The following FMR1 variants were observed in gnomAD, a reference collection of about 807,000 sequenced individuals.
FMR1 encodes the protein FMRP translational regulator 1.
FMR1 carries 13 observed loss-of-function variants against 50.6 expected under a neutral mutation model. The ratio of observed to expected loss-of-function variants is 0.26; its 90% CI spans 0.17 to 0.41. FMR1 has a LOEUF of 0.41. Ranked by LOEUF, FMR1 falls within the 10% of genes least tolerant of loss-of-function variation. FMR1 has a pLI of 1.00. For missense variants in FMR1, 316 were observed against 491.3 expected (o/e 0.64, Z 3.37); for synonymous variants, 138 against 164.1 (o/e 0.84, Z 1.22).
intron 14 of FMR1, chrX:147,944,447 C>G: frequency 1.3e-6 from 1 of 753,139 alleles, no homozygotes; most frequent in Non-Finnish European, 1.6e-6. Flanking sequence ...TATATACATT[C>G]CCCTCTGTCC....
chrX:147,929,605 AAAAG>A (rs2043519415), intron 5 of FMR1, among the ~76,000 whole-genome samples: 1 of 110,865 alleles, frequency 9.0e-6, no homozygotes, highest in South Asian at 3.8e-4. Context: ...AAAGGAAAAA[AAAAG>A]GCCTGCAACA....
chrX:147,940,359 C>T (rs1033149676), intron 12 of FMR1: 7 of 387,307 alleles, frequency 1.8e-5, no homozygotes, highest in Non-Finnish European at 2.7e-5. Flanking sequence ...TAATCTGATA[C>T]GTTTAAAAGG....
intron 16 of FMR1, 132 bp downstream of exon 16, chrX:147,945,748 A>C: frequency 1.9e-6 from 1 of 523,882 alleles, no homozygotes; most frequent in Non-Finnish European, 3.3e-6. Context: ...TTTACCTTCA[A>C]CATTACAATT....
At chrX:147,939,107 A>G (rs1557180189) in intron 12 of FMR1, among the ~76,000 whole-genome samples, 1 of 112,472 alleles carries the variant, frequency 8.9e-6, no homozygotes. Context: ...ATTCCATCAC[A>G]TGGTATTTTG....
At chrX:147,918,555 C>CTTTTTTTGTTTTTTTT (rs2042992915) in intron 1 of FMR1, among the ~76,000 whole-genome samples, 1 of 47,277 alleles carries the variant, frequency 2.1e-5, no homozygotes, top group Admixed American at 3.9e-4. Context: ...CCTGCAAAAG[C>CTTTTTTTGTTTTTTTT]TTTTTTTTTT....
intron 2 of FMR1, among the ~76,000 whole-genome samples, chrX:147,923,852 C>G (rs1252588343): frequency 2.7e-5 from 3 of 111,663 alleles, no homozygotes; most frequent in Non-Finnish European, 5.7e-5. Flanking sequence ...TTTGCCCTTC[C>G]TTGTGTGTTT....
At chrX:147,941,790 C>G (rs1290512948) in intron 13 of FMR1, among the ~76,000 whole-genome samples, 2 of 112,082 alleles carry the variant, frequency 1.8e-5, no homozygotes, top group Non-Finnish European at 3.8e-5. Flanking sequence ...ATCCCTTGTT[C>G]TTTTGACTAA....
At position 147,944,973 on chromosome X, in the gene FMR1, C is replaced by A. The variant is rs916410105; in HGVS notation, c.1576C>A (p.Leu526Met). 2.5e-6 allele frequency: 3 copies of A among 1,206,818 alleles called. No homozygotes were observed. The South Asian group carries it at 5.3e-5, about 21-fold the overall frequency. ...AACAGAGGAAGAGAGGGAGAGCTTCCTGCGCAGAGGAGACGGACGGCGGCG... is the reference window on the plus strand; with the variant it reads ...AACAGAGGAAGAGAGGGAGAGCTTCATGCGCAGAGGAGACGGACGGCGGCG... The part of the protein sequence containing the change: ...APTEEERESF[L>M]RRGDGRRRGG... Residue 526 changes from leucine to methionine, a missense_variant, in exon 15 of 17, where the codon CTG becomes ATG. Transcript: ENST00000370475.
chrX:147,944,825 TTTTTA>T, intron 14 of FMR1, 39 bp from the exon 15 acceptor site: 1 of 1,185,325 alleles, frequency 8.4e-7, no homozygotes, highest in Non-Finnish European at 1.1e-6. Flanking sequence ...CTTTTTTTTT[TTTTTA>T]AAGTCAGACA....
intron 14 of FMR1, chrX:147,944,134 C>T: frequency 1.3e-6 from 1 of 753,341 alleles, no homozygotes; most frequent in Non-Finnish European, 1.6e-6. Context: ...TTGAACCTAA[C>T]CCCTAACCCC....
At chrX:147,941,058 T>A (rs1557180779) in intron 13 of FMR1, among the ~76,000 whole-genome samples, 3 of 112,241 alleles carry the variant, frequency 2.7e-5, no homozygotes, top group Non-Finnish European at 5.6e-5. Context: ...ATCTAAGCAT[T>A]TCATGAAGTT....
Position 147,949,538 on chromosome X carries a change from C to G in FMR1, c.*694C>G, listed in dbSNP as rs1171338555. ...GAATGCATGCTTTCCATATTTTTTT[C>G]CTTACATAAACATCAGGTTAGGCAG... On this transcript the variant is annotated 3_prime_UTR_variant, in exon 17 of 17. Coordinates refer to ENST00000370475, the MANE Select transcript of FMR1 (RefSeq NM_002024.6). 9.2e-6 allele frequency: 3 copies of G among 327,399 alleles called. No homozygotes were observed. The highest frequency in any genetic ancestry group is 1.2e-5 in the Non-Finnish European group (2 of 169,579). 27.0% of individuals were successfully genotyped at this position (327,399 alleles called of 1,213,427 possible).
intron 1 of FMR1, among the ~76,000 whole-genome samples, chrX:147,920,013 C>T (rs1203414442): frequency 8.9e-6 from 1 of 112,311 alleles, no homozygotes; most frequent in Non-Finnish European, 1.9e-5. Context: ...ATGCCATTTA[C>T]TGAGGACACC....
chrX:147,916,564 T>A (rs2042873957), intron 1 of FMR1, among the ~76,000 whole-genome samples: 2 of 111,375 alleles, frequency 1.8e-5, no homozygotes, highest in African/African-American at 6.6e-5. Flanking sequence ...TTTTTTGGTT[T>A]TCTTTCTTCC....
At chrX:147,928,416 T>G (rs2043464732) in intron 4 of FMR1, 23 bp downstream of exon 4, 1 of 1,132,313 alleles carries the variant, frequency 8.8e-7, no homozygotes, top group African/African-American at 1.8e-5. Flanking sequence ...CTATTTAAAT[T>G]TTTTTCTTAT....
rs868982567 is a variant in FMR1, at chrX:147,912,051, C to A, written c.-129C>A. On this transcript the variant is annotated 5_prime_UTR_variant, in exon 1 of 17. Coordinates refer to ENST00000370475, the MANE Select transcript of FMR1 (RefSeq NM_002024.6). ...CGCTGCCAGGGGGCGTGCGGCAGCG[C>A]GGCGGCGGCGGCGGCGGCGGCGGCG... The A allele has an allele frequency of 1.3e-5, 1 of 78,747 alleles. No homozygotes were observed. Among genetic ancestry groups the A allele is most frequent in the Non-Finnish European group, 2.5e-5 (1 of 40,346 alleles). The allele number at this position is 78,747 out of a possible 1,213,427, so 6.5% of individuals were successfully genotyped here.
At chrX:147,912,831 T>C in intron 1 of FMR1, 1 of 297,122 alleles carries the variant, frequency 3.4e-6, no homozygotes. Context: ...TGATTTTTAG[T>C]GGCTTCTCTT....
At chrX:147,946,691 C>T (rs1361705002) in intron 16 of FMR1, among the ~76,000 whole-genome samples, 2 of 112,393 alleles carry the variant, frequency 1.8e-5, no homozygotes, top group Non-Finnish European at 3.8e-5. Flanking sequence ...GTGTCTGATT[C>T]TCTGAATCTA....
rs1486641275 is a variant in FMR1 at position 147,950,209 on chromosome X, T to A, written c.*1365T>A. On this transcript the variant is annotated 3_prime_UTR_variant, in exon 17 of 17. Transcript: ENST00000370475. The stretch of plus-strand genomic sequence containing the variant: ...TGAATCTGTACAGAGCCGTAAAAAC[T>A]GAAGTTCTGCCTCTGATGTATTTTG... The A allele has an allele frequency of 3.1e-6, 1 of 326,965 alleles. No homozygotes were observed. Among genetic ancestry groups the A allele is most frequent in the Non-Finnish European group, 5.9e-6 (1 of 169,402 alleles). The allele number at this position is 326,965 out of a possible 1,213,427, so 26.9% of individuals were successfully genotyped here. A position where few individuals can be genotyped will look rare whatever the true frequency, so the allele number is the denominator to read the frequency against.
Sources: gnomAD v4.1 joint callset for allele counts (sites outside exome capture counted in the v4.1 genomes callset) on GRCh38, gnomAD v4.1.1 for gene constraint, MANE v1.5 for transcripts, NCBI Gene and HGNC (gene_info 2026-07-23, HGNC 2026-07-21) for gene names.